Variants in BMERB1 observed in about 807,000 individuals in gnomAD.
BMERB1 encodes bMERB domain-containing protein 1.
A neutral mutation model predicts 23.6 loss-of-function variants in BMERB1; 12 were observed. That is an observed-to-expected ratio of 0.51 (90% CI 0.33 to 0.82). The LOEUF (loss-of-function observed/expected upper bound fraction) is 0.82. Ranked by LOEUF, BMERB1 falls within the 40% of genes least tolerant of loss-of-function variation. BMERB1 has a pLI of 0.03. For missense variants in BMERB1, 247 were observed against 255.4 expected (o/e 0.97, Z 0.22); for synonymous variants, 122 against 96.6 (o/e 1.26, Z -1.54).
At chr16:15,466,982 A>T (rs761325906) in intron 1 of BMERB1, among the ~76,000 whole-genome samples, 2 of 152,158 alleles carry the variant, frequency 1.3e-5, no homozygotes, top group Non-Finnish European at 2.9e-5. Flanking sequence ...TTTTTCACTC[A>T]CCGTAATTCT....
intron 2 of BMERB1, among the ~76,000 whole-genome samples, chr16:15,541,059 C>T (rs149625373): frequency 6.6e-6 from 1 of 152,154 alleles, no homozygotes; most frequent in Non-Finnish European, 1.5e-5. Flanking sequence ...AGCCACCCAC[C>T]CTTCTGCCTG....
At chr16:15,534,374 G>T (rs1006954273) in intron 2 of BMERB1, among the ~76,000 whole-genome samples, 1 of 149,720 alleles carries the variant, frequency 6.7e-6, no homozygotes, top group East Asian at 2.0e-4. Flanking sequence ...AGGCCAAGGC[G>T]AAACCCTGTC....
intron 2 of BMERB1, among the ~76,000 whole-genome samples, chr16:15,518,470 C>T (rs764426589): frequency 6.6e-5 from 10 of 152,258 alleles, no homozygotes; most frequent in African/African-American, 9.6e-5. Context: ...CAGAGATAGA[C>T]GGTGGACACT....
At chr16:15,515,167 A>G in intron 1 of BMERB1, 138 bp from the exon 2 acceptor site, 1 of 1,160,598 alleles carries the variant, frequency 8.6e-7, no homozygotes. Context: ...ACGAATACAC[A>G]TTTGTGGCAC....
intron 2 of BMERB1, among the ~76,000 whole-genome samples, chr16:15,565,290 C>T (rs965237962): frequency 6.6e-6 from 1 of 152,200 alleles, no homozygotes; most frequent in African/African-American, 2.4e-5. Context: ...GCCTCTTTAC[C>T]TGTTTCCGCA....
rs2051467575 is a variant in BMERB1 at position 15,495,918 on chromosome 16, A to G, written c.107-19387A>G. Among the ~76,000 whole-genome samples, 2 of 150,544 alleles carry G rather than the reference A, an allele frequency of 1.3e-5. 1 individual carries two copies. Among genetic ancestry groups the G allele is most frequent in the South Asian group, 4.1e-4 (2 of 4,824 alleles). On this transcript the variant is annotated intron_variant, in intron 1 of 5. Transcript: ENST00000300006. ...CAACCCTAGTTCCAGCTGATGTGGA[A>G]TTCTGAGTTTGGCTGCTTTTTCTTT...
chr16:15,578,437 C>G (rs575676028), intron 3 of BMERB1, among the ~76,000 whole-genome samples: 6 of 152,170 alleles, frequency 3.9e-5, no homozygotes, highest in Non-Finnish European at 5.9e-5. Flanking sequence ...CTCATTTTAG[C>G]TTAACTATTA....
chr16:15,458,654 C>G (rs1488011929), intron 1 of BMERB1, among the ~76,000 whole-genome samples: 3 of 150,322 alleles, frequency 2.0e-5, no homozygotes, highest in African/African-American at 7.4e-5. Flanking sequence ...AAGGTCAAGA[C>G]TGCAGTGAGC....
At chr16:15,532,094 GT>G (rs1310003891) in intron 2 of BMERB1, among the ~76,000 whole-genome samples, 2 of 152,066 alleles carry the variant, frequency 1.3e-5, no homozygotes, top group African/African-American at 4.8e-5. Flanking sequence ...AGATCTTGTT[GT>G]CTCCTGGAAT....
At chr16:15,443,416 G>A (rs1026443385) in intron 1 of BMERB1, among the ~76,000 whole-genome samples, 3 of 151,324 alleles carry the variant, frequency 2.0e-5, no homozygotes, top group South Asian at 2.1e-4. Context: ...TTAGCTGGAC[G>A]TGGTGCTAGC....
chr16:15,519,168 T>A (rs1156901983), intron 2 of BMERB1, among the ~76,000 whole-genome samples: 1 of 151,744 alleles, frequency 6.6e-6, no homozygotes, highest in Non-Finnish European at 1.5e-5. Flanking sequence ...CTGATCATTT[T>A]CAGGCTCAGG....
chr16:15,514,191 C>T (rs76311967), intron 1 of BMERB1, among the ~76,000 whole-genome samples: 2,685 of 152,176 alleles, frequency 0.018, 80 homozygotes, highest in African/African-American at 0.062. Context: ...GTCCCTTGAG[C>T]CCAGGGTTCG....
At chr16:15,523,632 C>T (rs1022461534) in intron 2 of BMERB1, among the ~76,000 whole-genome samples, 5 of 152,154 alleles carry the variant, frequency 3.3e-5, no homozygotes, top group African/African-American at 9.7e-5. Context: ...TGGCCTGGAG[C>T]AAATACTTTG....
chr16:15,568,264 C>A (rs1481243725), intron 3 of BMERB1, among the ~76,000 whole-genome samples: 1 of 152,208 alleles, frequency 6.6e-6, no homozygotes, highest in African/African-American at 2.4e-5. Flanking sequence ...GGACAAGTCA[C>A]TGTACTTCTC....
At chr16:15,567,816 A>G (rs1300701577) in intron 2 of BMERB1, among the ~76,000 whole-genome samples, 167 bp from the exon 3 acceptor site, 1 of 152,240 alleles carries the variant, frequency 6.6e-6, no homozygotes, top group Non-Finnish European at 1.5e-5. Context: ...GGGATAATTG[A>G]GCAGTGTTTG....
chr16:15,501,116 A>G (rs1446917575), intron 1 of BMERB1, among the ~76,000 whole-genome samples: 1 of 152,054 alleles, frequency 6.6e-6, no homozygotes, highest in Non-Finnish European at 1.5e-5. Flanking sequence ...TATGTTAGTG[A>G]AATTAATCTC....
intron 1 of BMERB1, among the ~76,000 whole-genome samples, chr16:15,463,872 C>CT (rs201305624): frequency 8.1e-6 from 1 of 122,768 alleles, no homozygotes; most frequent in African/African-American, 2.7e-5. Flanking sequence ...TTTGTGTATG[C>CT]TTTAAAAAAA....
intron 1 of BMERB1, among the ~76,000 whole-genome samples, chr16:15,493,791 A>C (rs977021115): frequency 6.6e-6 from 1 of 152,118 alleles, no homozygotes; most frequent in Non-Finnish European, 1.5e-5. Flanking sequence ...GGTGCAATTT[A>C]TCTCTCCTGT....
intron 1 of BMERB1, among the ~76,000 whole-genome samples, chr16:15,475,517 T>C (rs1407366084): frequency 6.6e-6 from 1 of 152,280 alleles, no homozygotes; most frequent in East Asian, 1.9e-4. Flanking sequence ...GAGGGCAGAA[T>C]ACAGGTAAGT....
Sources: gnomAD v4.1 joint callset for allele counts (sites outside exome capture counted in the v4.1 genomes callset) on GRCh38, gnomAD v4.1.1 for gene constraint, MANE v1.5 for transcripts, NCBI Gene and HGNC (gene_info 2026-07-23, HGNC 2026-07-21) for gene names.